Variants in SLCO3A1 observed in about 807,000 individuals in gnomAD.
SLCO3A1 encodes PGE1 transporter.
Under a neutral mutation model 63.1 loss-of-function variants are expected in SLCO3A1, and 27 were observed. That is an observed-to-expected ratio of 0.43 (90% CI 0.32 to 0.59). The LOEUF is 0.59. Among genes scored for constraint, SLCO3A1 ranks in the 20% least tolerant of loss-of-function variants. The pLI is 0.09. For missense variants in SLCO3A1, 773 were observed against 945.8 expected, an observed-to-expected ratio of 0.82 and a Z score of 2.40; for synonymous variants, 473 against 409.9, an observed-to-expected ratio of 1.15 and a Z score of -1.86.
intron 2 of SLCO3A1, among the ~76,000 whole-genome samples, chr15:92,016,429 A>G (rs993586610): frequency 6.6e-6 from 1 of 152,132 alleles, no homozygotes; most frequent in African/African-American, 2.4e-5. Context: ...CTGGGATTAT[A>G]GACTTGAGCC....
intron 2 of SLCO3A1, among the ~76,000 whole-genome samples, chr15:91,949,066 C>A (rs1249068491): frequency 6.6e-6 from 1 of 152,098 alleles, no homozygotes; most frequent in Non-Finnish European, 1.5e-5. Flanking sequence ...TTCTGATGTC[C>A]TTACTGAGTG....
chr15:92,069,997 C>A (rs1336995706), intron 2 of SLCO3A1, among the ~76,000 whole-genome samples: 1 of 152,346 alleles, frequency 6.6e-6, no homozygotes, highest in Admixed American at 6.5e-5. Flanking sequence ...CGAATTAGGT[C>A]GAGCACGATG....
At chr15:91,965,987 T>C (rs946742689) in intron 2 of SLCO3A1, among the ~76,000 whole-genome samples, 6 of 152,170 alleles carry the variant, frequency 3.9e-5, no homozygotes, top group Non-Finnish European at 5.9e-5. Flanking sequence ...GTCATTTTCA[T>C]GCAATTTTGT....
At chr15:92,091,191 A>G (rs1298705205) in intron 2 of SLCO3A1, among the ~76,000 whole-genome samples, 3 of 152,188 alleles carry the variant, frequency 2.0e-5, no homozygotes, top group African/African-American at 7.2e-5. Context: ...AATGGCTTCC[A>G]GGAGATCAGG....
rs56358895 is a variant in SLCO3A1 at position 91,919,573 on chromosome 15, G to A, written c.646+3115G>A. On this transcript the variant is annotated intron_variant, in intron 2 of 9. Coordinates refer to ENST00000318445, the MANE Select transcript of SLCO3A1 (RefSeq NM_013272.4). ...AGACCACTGGGCCCCTACTGAGGTC[G>A]GAGAATCCATTCTTTGGGAGTCTAG... 1.4e-4 allele frequency among the ~76,000 whole-genome samples: 21 copies of A among 152,290 alleles called. No individual in the cohort carries two copies. The South Asian group carries it at 2.5e-3, about 18-fold the overall frequency.
Position 91,856,847 on chromosome 15 carries a change from A to G in SLCO3A1, c.180+2759A>G, listed in dbSNP as rs111598315. 6.6e-6 allele frequency among the ~76,000 whole-genome samples: 1 copy of G among 152,154 alleles called. No individual in the cohort carries two copies. On this transcript the variant is annotated intron_variant, in intron 1 of 9. Coordinates refer to ENST00000318445, the MANE Select transcript of SLCO3A1 (RefSeq NM_013272.4). The surrounding 1 kb of genome is among the most constrained non-coding windows in gnomAD (Gnocchi z 4.9). Reference sequence around the variant, plus strand: ...CGATGTTATTTCCTATTAGATTCCCAGAGTCCACCTTCTTATTTCATCTCC... The same window carrying G: ...CGATGTTATTTCCTATTAGATTCCCGGAGTCCACCTTCTTATTTCATCTCC...
intron 2 of SLCO3A1, among the ~76,000 whole-genome samples, chr15:91,949,822 C>A (rs1597148934): frequency 6.6e-6 from 1 of 151,930 alleles, no homozygotes; most frequent in South Asian, 2.1e-4. Context: ...TATAGTGAGA[C>A]CCCGGCTTTA....
At chr15:92,143,962 A>T (rs949655319) in intron 7 of SLCO3A1, among the ~76,000 whole-genome samples, 5 of 152,194 alleles carry the variant, frequency 3.3e-5, no homozygotes, top group Non-Finnish European at 7.4e-5. Flanking sequence ...TGCAGCAGCC[A>T]GGTCACCAGA....
chr15:92,088,139 A>G (rs2047428656), intron 2 of SLCO3A1, among the ~76,000 whole-genome samples: 1 of 152,212 alleles, frequency 6.6e-6, no homozygotes, highest in South Asian at 2.1e-4. Context: ...GCAATTGCCA[A>G]GAAGAGTCAC....
chr15:91,939,919 G>A (rs1597139844), intron 2 of SLCO3A1, among the ~76,000 whole-genome samples: 1 of 152,124 alleles, frequency 6.6e-6, no homozygotes, highest in African/African-American at 2.4e-5. Context: ...TTAGCACAGA[G>A]AGGCCTAGTC....
chr15:91,952,331 T>C (rs1597151155), intron 2 of SLCO3A1, among the ~76,000 whole-genome samples: 2 of 152,356 alleles, frequency 1.3e-5, no homozygotes, highest in East Asian at 3.9e-4. Flanking sequence ...ACATTCAAAC[T>C]AGTACCTTTC....
chr15:91,925,506 A>G (rs1277014972), intron 2 of SLCO3A1, among the ~76,000 whole-genome samples: 9 of 144,968 alleles, frequency 6.2e-5, no homozygotes, highest in Non-Finnish European at 1.3e-4. Flanking sequence ...CTAGGAAACT[A>G]CCTCTCCCAT....
At chr15:91,898,778 AATAT>A (rs1259607181) in intron 1 of SLCO3A1, among the ~76,000 whole-genome samples, 1 of 152,188 alleles carries the variant, frequency 6.6e-6, no homozygotes, top group Admixed American at 6.5e-5. Context: ...ACATATTATG[AATAT>A]ATAGAGAGAT....
chr15:92,166,792 A>G (rs2048496001), downstream of SLCO3A1, among the ~76,000 whole-genome samples: 1 of 151,750 alleles, frequency 6.6e-6, no homozygotes, highest in Non-Finnish European at 1.5e-5. Context: ...AAATAGAAAA[A>G]CCTCCAAGGA....
rs1406216043 is a variant in SLCO3A1, at chr15:91,865,464, C to T, written c.180+11376C>T. The stretch of plus-strand genomic sequence containing the variant: ...AACTAGGGCTGCTGTAACAAATTAC[C>T]ACAAACTGGGTGGCTTGAAACAAAT... On this transcript the variant is annotated intron_variant, in intron 1 of 9. Coordinates refer to ENST00000318445, the MANE Select transcript of SLCO3A1 (RefSeq NM_013272.4). The surrounding 1 kb of genome is among the most constrained non-coding windows in gnomAD (Gnocchi z 4.6). 1.3e-5 allele frequency among the ~76,000 whole-genome samples: 2 copies of T among 152,146 alleles called. No homozygotes were observed. Among genetic ancestry groups the T allele is most frequent in the African/African-American group, 2.4e-5 (1 of 41,432 alleles).
chr15:91,919,705 T>C (rs1442037784), intron 2 of SLCO3A1, among the ~76,000 whole-genome samples: 2 of 152,164 alleles, frequency 1.3e-5, no homozygotes, highest in Admixed American at 1.3e-4. Flanking sequence ...TTTATGAAAG[T>C]GTAAGTAGGA....
intron 7 of SLCO3A1, among the ~76,000 whole-genome samples, chr15:92,129,730 A>G (rs554769444): frequency 6.6e-6 from 1 of 152,136 alleles, no homozygotes; most frequent in East Asian, 1.9e-4. Flanking sequence ...CCTACATCTT[A>G]TATCTTTCAG....
intron 2 of SLCO3A1, among the ~76,000 whole-genome samples, chr15:92,022,287 T>C (rs2046518723): frequency 6.6e-6 from 1 of 152,344 alleles, no homozygotes; most frequent in East Asian, 1.9e-4. Context: ...TGGATTCGAC[T>C]GATTGTATTT....
chr15:92,001,824 GTTCT>G (rs2046258095), intron 2 of SLCO3A1, among the ~76,000 whole-genome samples: 1 of 125,894 alleles, frequency 7.9e-6, no homozygotes, highest in Non-Finnish European at 1.7e-5. Context: ...AGTTGTGTGA[GTTCT>G]TTTTTTTTTT....
Sources: gnomAD v4.1 joint callset for allele counts (sites outside exome capture counted in the v4.1 genomes callset) on GRCh38, gnomAD v4.1.1 for gene constraint, Gnocchi (gnomAD v3.1) non-coding constraint, MANE v1.5 for transcripts, NCBI Gene and HGNC (gene_info 2026-07-23, HGNC 2026-07-21) for gene names.